CADPS2: variants seen among roughly 807,000 people sequenced by gnomAD.
CADPS2 encodes calcium-dependent secretion activator 2.
CADPS2 carries 93 observed loss-of-function variants against 172.5 expected under a neutral mutation model. The observed-to-expected ratio is 0.54, with a 90% confidence interval of 0.46 to 0.64. The LOEUF is 0.64. Among genes scored for constraint, CADPS2 ranks in the 30% least tolerant of loss-of-function variants. The pLI is 0.00. For missense variants in CADPS2, 1,420 were observed against 1,565.9 expected, an observed-to-expected ratio of 0.91 and a Z score of 1.57; for synonymous variants, 546 against 555.2, an observed-to-expected ratio of 0.98 and a Z score of 0.23.
At chr7:122,675,270 G>A (rs986602308) in intron 2 of CADPS2, among the ~76,000 whole-genome samples, 4 of 152,120 alleles carry the variant, frequency 2.6e-5, no homozygotes, top group Admixed American at 1.3e-4. Flanking sequence ...AAAGGAGCCC[G>A]GGGCTCCATT....
At chr7:122,389,914 G>C (rs887451675) in intron 22 of CADPS2, among the ~76,000 whole-genome samples, 6 of 151,864 alleles carry the variant, frequency 4.0e-5, no homozygotes, top group Non-Finnish European at 4.4e-5. Context: ...AAAATAAATT[G>C]TTTAAAGCAC....
At chr7:122,769,263 C>T (rs1346546540) in intron 1 of CADPS2, among the ~76,000 whole-genome samples, 1 of 152,164 alleles carries the variant, frequency 6.6e-6, no homozygotes, top group Non-Finnish European at 1.5e-5. Context: ...AAATCTCACC[C>T]TCCCCTTTGG....
At chr7:122,483,597 T>C (rs1436368067) in intron 11 of CADPS2, among the ~76,000 whole-genome samples, 1 of 152,100 alleles carries the variant, frequency 6.6e-6, no homozygotes, top group Non-Finnish European at 1.5e-5. Flanking sequence ...AACATTTTTC[T>C]TTCACTTTTA....
intron 2 of CADPS2, among the ~76,000 whole-genome samples, chr7:122,721,464 A>T (rs2090389768): frequency 6.6e-6 from 1 of 152,144 alleles, no homozygotes; most frequent in Non-Finnish European, 1.5e-5. Context: ...TCCTCAACAC[A>T]TACACCCTCC....
At chr7:122,781,465 T>G (rs1317379790) in intron 1 of CADPS2, among the ~76,000 whole-genome samples, 1 of 152,186 alleles carries the variant, frequency 6.6e-6, no homozygotes, top group African/African-American at 2.4e-5. Flanking sequence ...TTAATTTGTC[T>G]TATCCCATTT....
intron 1 of CADPS2, among the ~76,000 whole-genome samples, chr7:122,835,323 A>G (rs1292657882): frequency 6.6e-6 from 1 of 152,212 alleles, no homozygotes; most frequent in Admixed American, 6.5e-5. Flanking sequence ...ATAAAACCAC[A>G]AAGATGGGGA....
chr7:122,539,096 C>T (rs1043564962), intron 8 of CADPS2, among the ~76,000 whole-genome samples: 1 of 152,076 alleles, frequency 6.6e-6, no homozygotes, highest in Non-Finnish European at 1.5e-5. Flanking sequence ...TTAACCAATA[C>T]AAAGTGGATA....
intron 11 of CADPS2, among the ~76,000 whole-genome samples, chr7:122,487,384 C>T (rs73218208): frequency 0.013 from 2,005 of 152,140 alleles, 22 homozygotes; most frequent in Middle Eastern, 0.034. Context: ...CATCTTATTG[C>T]AGTGGTCTGG....
At chr7:122,534,376 T>C (rs1190642086) in intron 8 of CADPS2, among the ~76,000 whole-genome samples, 1 of 152,090 alleles carries the variant, frequency 6.6e-6, no homozygotes, top group Non-Finnish European at 1.5e-5. Flanking sequence ...AGTCTCTAAG[T>C]GATATTTCAG....
At chr7:122,614,430 G>T (rs140018558) in intron 6 of CADPS2, among the ~76,000 whole-genome samples, 1 of 151,978 alleles carries the variant, frequency 6.6e-6, no homozygotes, top group Non-Finnish European at 1.5e-5. Flanking sequence ...TCACATATTG[G>T]TATTATAATA....
intron 1 of CADPS2, among the ~76,000 whole-genome samples, chr7:122,801,105 C>A (rs1349154212): frequency 1.3e-5 from 2 of 151,168 alleles, no homozygotes; most frequent in African/African-American, 4.9e-5. Context: ...AAAAACTGGG[C>A]AAAGAAAGCA....
At chr7:122,340,784 G>A (rs942760880) in intron 28 of CADPS2, among the ~76,000 whole-genome samples, 2 of 151,448 alleles carry the variant, frequency 1.3e-5, no homozygotes, top group African/African-American at 4.9e-5. Context: ...TTTTATATTG[G>A]GATCAGGTTG....
At chr7:122,614,608 T>C (rs1028739973) in intron 6 of CADPS2, among the ~76,000 whole-genome samples, 3 of 152,194 alleles carry the variant, frequency 2.0e-5, no homozygotes, top group African/African-American at 7.2e-5. Context: ...CAAGTTTGAA[T>C]GAATTAAAGC....
intron 1 of CADPS2, among the ~76,000 whole-genome samples, chr7:122,802,152 G>C (rs551161825): frequency 2.1e-4 from 32 of 152,098 alleles, no homozygotes; most frequent in African/African-American, 7.7e-4. Context: ...TAAGTAAAGA[G>C]TTTTCATACT....
intron 9 of CADPS2, among the ~76,000 whole-genome samples, chr7:122,501,641 A>G (rs1452000624): frequency 6.6e-6 from 1 of 152,000 alleles, no homozygotes; most frequent in Non-Finnish European, 1.5e-5. Context: ...CGAGATCAGG[A>G]GATCGAGACC....
intron 1 of CADPS2, among the ~76,000 whole-genome samples, chr7:122,777,535 C>T (rs902063792): frequency 6.6e-6 from 1 of 152,142 alleles, no homozygotes; most frequent in Admixed American, 6.5e-5. Flanking sequence ...ATGTCCCCAC[C>T]CAAATGTCAT....
At chr7:122,624,125 T>C (rs1265619914) in intron 4 of CADPS2, among the ~76,000 whole-genome samples, 1 of 152,214 alleles carries the variant, frequency 6.6e-6, no homozygotes, top group Non-Finnish European at 1.5e-5. Flanking sequence ...TAATATTTCA[T>C]TAACTCTATT....
intron 2 of CADPS2, among the ~76,000 whole-genome samples, chr7:122,678,477 G>A (rs1471827730): frequency 1.3e-5 from 2 of 152,174 alleles, no homozygotes; most frequent in African/African-American, 4.8e-5. Flanking sequence ...AAGGCTTGGA[G>A]TTTACGTTTT....
intron 2 of CADPS2, among the ~76,000 whole-genome samples, chr7:122,686,832 G>A (rs941185333): frequency 1.3e-5 from 2 of 152,098 alleles, no homozygotes; most frequent in Non-Finnish European, 2.9e-5. Flanking sequence ...TTACAGGAAT[G>A]TGTCACTACG....
Sources: gnomAD v4.1 joint callset for allele counts (sites outside exome capture counted in the v4.1 genomes callset) on GRCh38, gnomAD v4.1.1 for gene constraint, MANE v1.5 for transcripts, NCBI Gene and HGNC (gene_info 2026-07-23, HGNC 2026-07-21) for gene names.